PPP1R3B: variants seen among roughly 807,000 people sequenced by gnomAD.
PPP1R3B encodes the protein PP1 subunit R4.
A neutral mutation model predicts 14.6 loss-of-function variants in PPP1R3B; 8 were observed. The ratio of observed to expected loss-of-function variants is 0.55; its 90% CI spans 0.32 to 0.99. The LOEUF is 0.99. Among genes scored for constraint, PPP1R3B ranks in the 50% least tolerant of loss-of-function variants. PPP1R3B has a pLI of 0.04. For missense variants in PPP1R3B, 452 were observed against 360.1 expected (o/e 1.26, Z -2.07); for synonymous variants, 169 against 142.0 (o/e 1.19, Z -1.35).
At chr8:9,144,838 C>CAGG (rs1801189343) in intron 1 of PPP1R3B, among the ~76,000 whole-genome samples, 1 of 152,172 alleles carries the variant, frequency 6.6e-6, no homozygotes, top group African/African-American at 2.4e-5. Flanking sequence ...CTCCACCTCC[C>CAGG]AGGTTCAAGT....
In PPP1R3B at chr8:9,141,151, G is replaced by A. The variant is rs2117601162; in HGVS notation, c.501C>T (p.Asp167=). ...EKTVKIRMTF[D]TWKSYTDFPC... ...GAAAGTCTGTGTAGCTCTTCCAGGT[G>A]TCGAACGTCATCCTTATTTTCACGG... The change falls in exon 2 of 2, where the codon GAC becomes GAT. Residue 167 remains aspartate (D), a synonymous_variant. Transcript: ENST00000310455. 1.9e-6 allele frequency: 3 copies of A among 1,614,066 alleles called. No individual in the cohort carries two copies. Among genetic ancestry groups the A allele is most frequent in the South Asian group, 1.1e-5 (1 of 91,074 alleles).
rs1801395418 is a variant in PPP1R3B at position 9,150,632 on chromosome 8, A to T, written c.-87T>A. On this transcript the variant is annotated 5_prime_UTR_variant, in exon 1 of 2. In the 5' UTR this introduces an upstream ATG that the reference lacks. Coordinates refer to ENST00000310455, the MANE Select transcript of PPP1R3B (RefSeq NM_024607.4). ...TCGGAGAGCCCGCAGGGTTGTGGCA[A>T]GCGCGACTACGTGAGCGTCGGTGTG... 1 of 152,390 alleles carries T rather than the reference A, an allele frequency of 6.6e-6. No individual in the cohort carries two copies. Among genetic ancestry groups the T allele is most frequent in the Non-Finnish European group, 1.5e-5 (1 of 68,146 alleles). The allele number at this position is 152,390 out of a possible 1,614,324, so 9.4% of individuals were successfully genotyped here.
chr8:9,136,679 G>C lies in PPP1R3B; in HGVS notation c.*4115C>G, dbSNP rs1800900973. 6.6e-6 allele frequency: 1 copy of C among 152,242 alleles called. No individual in the cohort carries two copies. The highest frequency in any genetic ancestry group is 1.5e-5 in the Non-Finnish European group (1 of 68,040). 9.4% of individuals were successfully genotyped at this position (152,242 alleles called of 1,614,324 possible). A position where few individuals can be genotyped will look rare whatever the true frequency, so the allele number is the denominator to read the frequency against. On this transcript the variant is annotated 3_prime_UTR_variant, in exon 2 of 2. Transcript: ENST00000310455. ...GTCTCACTGCAGGAAATTAAGATAA[G>C]CTGCCAAATTGTCTTTGTGTGACCC...
At chr8:9,149,196 A>AC in intron 1 of PPP1R3B, among the ~76,000 whole-genome samples, 1 of 134,974 alleles carries the variant, frequency 7.4e-6, no homozygotes, top group Non-Finnish European at 1.6e-5. Context: ...ACGTCTCAAA[A>AC]AAAAAAAAAA....
In PPP1R3B at chr8:9,140,774, C is replaced by T. The variant is rs751488652; in HGVS notation, c.*20G>A. 8.7e-6 allele frequency: 14 copies of T among 1,610,272 alleles called. No individual in the cohort carries two copies. The highest frequency in any genetic ancestry group is 2.2e-5 in the East Asian group (1 of 44,842). Reference sequence around the variant, plus strand: ...AGGCTTGTCTGTGGCAGCTCCGCCACGCCCTGTCACCTGCAGTCACTAGTA... The same window carrying T: ...AGGCTTGTCTGTGGCAGCTCCGCCATGCCCTGTCACCTGCAGTCACTAGTA... On this transcript the variant is annotated 3_prime_UTR_variant, in exon 2 of 2. Transcript: ENST00000310455.
In PPP1R3B at chr8:9,139,525, C is replaced by T. The variant is rs1335418429; in HGVS notation, c.*1269G>A. 1.3e-5 allele frequency: 2 copies of T among 152,100 alleles called. No homozygotes were observed. The highest frequency in any genetic ancestry group is 2.9e-5 in the Non-Finnish European group (2 of 68,020). The allele number at this position is 152,100 out of a possible 1,614,324, so 9.4% of individuals were successfully genotyped here. A position where few individuals can be genotyped will look rare whatever the true frequency, so the allele number is the denominator to read the frequency against. ...CCTAAACACAGCAGAAAAGATGACT[C>T]TTTGGGAAAGGAGATTCAAAATTCT... On this transcript the variant is annotated 3_prime_UTR_variant, in exon 2 of 2. Transcript: ENST00000310455.
At chr8:9,151,532 C>T (rs957139365), upstream of PPP1R3B, 5 of 225,526 alleles carry the variant, frequency 2.2e-5, no homozygotes, top group Non-Finnish European at 3.6e-5. Flanking sequence ...AGCAGTCACC[C>T]GGGACTCGAG....
chr8:9,147,032 G>C (rs973500744), intron 1 of PPP1R3B, among the ~76,000 whole-genome samples: 5 of 151,750 alleles, frequency 3.3e-5, no homozygotes, highest in East Asian at 3.9e-4. Flanking sequence ...GCCCAGGCTG[G>C]AGTGCCGTGG....
At chr8:9,148,792 T>A (rs1452769683) in intron 1 of PPP1R3B, among the ~76,000 whole-genome samples, 1 of 152,218 alleles carries the variant, frequency 6.6e-6, no homozygotes, top group East Asian at 1.9e-4. Context: ...AACTACTGAC[T>A]TTCTGGCTGT....
chr8:9,149,691 C>T (rs775435352), intron 1 of PPP1R3B, among the ~76,000 whole-genome samples: 1 of 152,234 alleles, frequency 6.6e-6, no homozygotes, highest in Non-Finnish European at 1.5e-5. Context: ...TTCACTGATC[C>T]AGCATGAAGA....
chr8:9,149,208 A>AAAAAT (rs1280289297), intron 1 of PPP1R3B, among the ~76,000 whole-genome samples: 1,982 of 136,598 alleles, frequency 0.015, 72 homozygotes, highest in African/African-American at 0.052. Flanking sequence ...AAAAAAAAAA[A>AAAAAT]GGCAAAAAAA....
intron 1 of PPP1R3B, chr8:9,145,522 T>C (rs2117613235): frequency 6.6e-6 from 1 of 152,348 alleles, no homozygotes; most frequent in Non-Finnish European, 1.5e-5. Context: ...CGACTGTTGA[T>C]GTTATTGGTA....
chr8:9,139,712 C>G lies in PPP1R3B; in HGVS notation c.*1082G>C, dbSNP rs528273919. On this transcript the variant is annotated 3_prime_UTR_variant, in exon 2 of 2. Coordinates refer to ENST00000310455, the MANE Select transcript of PPP1R3B (RefSeq NM_024607.4). ...TACAGGCGCCCGCCACCACGCCTGG[C>G]TAATTTTTTTGTATTTTTAGTAGAG... 6.6e-6 allele frequency: 1 copy of G among 152,220 alleles called. No individual in the cohort carries two copies. Among genetic ancestry groups the G allele is most frequent in the East Asian group, 1.9e-4 (1 of 5,178 alleles). 9.4% of individuals were successfully genotyped at this position (152,220 alleles called of 1,614,324 possible).
At chr8:9,147,779 A>G (rs1295782863) in intron 1 of PPP1R3B, among the ~76,000 whole-genome samples, 2 of 131,902 alleles carry the variant, frequency 1.5e-5, no homozygotes, top group Admixed American at 8.5e-5. Context: ...AGTCAGAGCC[A>G]GAGCTAATTA....
In PPP1R3B at chr8:9,140,500, G is replaced by A. The variant is rs897769242; in HGVS notation, c.*294C>T. The A allele has an allele frequency of 4.5e-6, 2 of 441,574 alleles. No individual in the cohort carries two copies. The highest frequency in any genetic ancestry group is 8.3e-6 in the Non-Finnish European group (2 of 240,372). 27.4% of individuals were successfully genotyped at this position (441,574 alleles called of 1,614,324 possible). A position where few individuals can be genotyped will look rare whatever the true frequency, so the allele number is the denominator to read the frequency against. On this transcript the variant is annotated 3_prime_UTR_variant, in exon 2 of 2. Transcript: ENST00000310455. The stretch of plus-strand genomic sequence containing the variant: ...CTCCAGCTTCATCAGCACTGGCATA[G>A]GCTTGATTCCCATCCATACCCTTTC...
intron 1 of PPP1R3B, among the ~76,000 whole-genome samples, chr8:9,149,258 T>C (rs1801339939): frequency 6.8e-6 from 1 of 147,026 alleles, no homozygotes; most frequent in African/African-American, 2.5e-5. Context: ...CCCAGCACTT[T>C]GGGAGGCCGA....
At position 9,137,364 on chromosome 8, in the gene PPP1R3B, G is replaced by C. The variant is rs1028933509; in HGVS notation, c.*3430C>G. ...CCTATTGCCGGACAACTGCACCTGTGACAGGTGGCTGGTCTTTCTGGGGCA... is the reference window on the plus strand; with the variant it reads ...CCTATTGCCGGACAACTGCACCTGTCACAGGTGGCTGGTCTTTCTGGGGCA... On this transcript the variant is annotated 3_prime_UTR_variant, in exon 2 of 2. Coordinates refer to ENST00000310455, the MANE Select transcript of PPP1R3B (RefSeq NM_024607.4). 2.5e-4 allele frequency: 38 copies of C among 152,126 alleles called. 1 individual carries two copies. The highest frequency in any genetic ancestry group is 8.7e-4 in the African/African-American group (36 of 41,420). The allele number at this position is 152,126 out of a possible 1,614,324, so 9.4% of individuals were successfully genotyped here.
upstream of PPP1R3B, chr8:9,151,387 C>T (rs1319794522): frequency 6.4e-6 from 1 of 156,350 alleles, no homozygotes; most frequent in Admixed American, 6.5e-5. Context: ...CGCGCCAGCC[C>T]GCGGCAGCAT....
At chr8:9,146,295 C>A (rs1457350124) in intron 1 of PPP1R3B, among the ~76,000 whole-genome samples, 2 of 152,154 alleles carry the variant, frequency 1.3e-5, no homozygotes, top group East Asian at 3.9e-4. Flanking sequence ...ACCTATCTCC[C>A]CTCAACCTAT....
Sources: allele counts gnomAD v4.1 joint callset (sites outside exome capture counted in the v4.1 genomes callset), GRCh38; gene constraint gnomAD v4.1.1; transcripts MANE v1.5; gene names NCBI Gene and HGNC (gene_info 2026-07-23, HGNC 2026-07-21).